PDCD6: variants seen among roughly 807,000 people sequenced by gnomAD.
PDCD6 encodes the protein programmed cell death 6.
In PDCD6, 12 loss-of-function variants were observed where a neutral mutation model predicts 28.3. The observed-to-expected ratio is 0.42, with a 90% CI of 0.27 to 0.69. The LOEUF is 0.69. Among genes scored for constraint, PDCD6 ranks in the 30% least tolerant of loss-of-function variants. The pLI, the probability that PDCD6 is intolerant of heterozygous loss-of-function variation, is 0.22. For synonymous variants in PDCD6, 92 were observed against 108.0 expected (o/e 0.85, Z 0.92); for missense variants, 226 against 269.9 (o/e 0.84, Z 1.14).
intron 2 of PDCD6, among the ~76,000 whole-genome samples, chr5:294,761 C>A (rs1282460802): frequency 6.6e-6 from 1 of 152,240 alleles, no homozygotes; most frequent in Non-Finnish European, 1.5e-5. Flanking sequence ...GGCCTCATTC[C>A]TCATTGCCAA....
intron 2 of PDCD6, among the ~76,000 whole-genome samples, chr5:300,855 G>A (rs940160239): frequency 3.3e-5 from 5 of 151,998 alleles, no homozygotes; most frequent in African/African-American, 1.2e-4. Flanking sequence ...TGCTCTCCTG[G>A]GCAATCCTTA....
intron 2 of PDCD6, among the ~76,000 whole-genome samples, chr5:302,874 G>A (rs1349120084): frequency 6.6e-6 from 1 of 150,552 alleles, no homozygotes; most frequent in Non-Finnish European, 1.5e-5. Context: ...GCGGATCATT[G>A]AGTGCTGCTC....
chr5:298,278 A>C (rs1393971609), intron 2 of PDCD6, among the ~76,000 whole-genome samples: 3 of 151,994 alleles, frequency 2.0e-5, no homozygotes, highest in Non-Finnish European at 4.4e-5. Context: ...ATTTCACTTA[A>C]ACACATTTTC....
chr5:302,814 G>A (rs1206084287), intron 2 of PDCD6, among the ~76,000 whole-genome samples: 1 of 150,722 alleles, frequency 6.6e-6, no homozygotes, highest in African/African-American at 2.4e-5. Context: ...AGGTTCAGGT[G>A]CACCTGCCTT....
intron 5 of PDCD6, among the ~76,000 whole-genome samples, chr5:313,366 T>A (rs1054894718): frequency 6.6e-6 from 1 of 152,368 alleles, no homozygotes; most frequent in African/African-American, 2.4e-5. Context: ...CATTACTCTT[T>A]AAGCCAGCAT....
chr5:301,328 G>A (rs7701452), intron 2 of PDCD6, among the ~76,000 whole-genome samples: 36,028 of 152,172 alleles, frequency 0.24, 6,794 homozygotes, highest in African/African-American at 0.53. Flanking sequence ...CGCACACAGC[G>A]GTGAAGAACG....
intron 2 of PDCD6, among the ~76,000 whole-genome samples, chr5:279,179 T>A (rs1432406852): frequency 6.9e-6 from 1 of 144,854 alleles, no homozygotes; most frequent in Non-Finnish European, 1.5e-5. Flanking sequence ...GTGATTTAAT[T>A]TTGGGCCTCA....
rs1300918619 is a variant in PDCD6, at chr5:290,504, G to T, written c.164-13673G>T. ...TGTGAGAGAGTGAGACCAACAGAGC[G>T]AGCATCTCCCCAAGCCACTACCACC... On this transcript the variant is annotated intron_variant, in intron 2 of 5. Coordinates refer to ENST00000264933, the MANE Select transcript of PDCD6 (RefSeq NM_013232.4). Among the ~76,000 whole-genome samples, 7 of 152,242 alleles carry T rather than the reference G, an allele frequency of 4.6e-5. No individual in the cohort carries two copies. In the East Asian group the frequency reaches 9.6e-4, roughly 21 times the overall value.
intron 2 of PDCD6, among the ~76,000 whole-genome samples, chr5:274,518 C>G (rs1738058019): frequency 6.6e-6 from 1 of 152,204 alleles, no homozygotes; most frequent in African/African-American, 2.4e-5. Flanking sequence ...TTCCGTGATT[C>G]CTGGCACGGA....
At chr5:300,345 G>C (rs1266445328) in intron 2 of PDCD6, among the ~76,000 whole-genome samples, 2 of 152,368 alleles carry the variant, frequency 1.3e-5, no homozygotes, top group East Asian at 3.9e-4. Context: ...CTTCTTGCTG[G>C]AGGAATCCGG....
Position 311,415 on chromosome 5 carries a change from C to T in PDCD6, c.477+13C>T, listed in dbSNP as rs1373439241. 6 of 1,586,266 alleles carry T rather than the reference C, an allele frequency of 3.8e-6. No individual in the cohort carries two copies. The South Asian group carries it at 5.5e-5, about 15-fold the overall frequency. On this transcript the variant is annotated intron_variant, in intron 5 of 5. Coordinates refer to ENST00000264933, the MANE Select transcript of PDCD6 (RefSeq NM_013232.4). Reference sequence around the variant, plus strand: ...CATCGTCCTGCAGGTGACGGAATGGCTTCACGTGGGTTTGTGGTGGTGGTG... The same window carrying T: ...CATCGTCCTGCAGGTGACGGAATGGTTTCACGTGGGTTTGTGGTGGTGGTG...
At chr5:288,261 T>A (rs928142287) in intron 2 of PDCD6, among the ~76,000 whole-genome samples, 2 of 147,824 alleles carry the variant, frequency 1.4e-5, no homozygotes, top group African/African-American at 4.9e-5. Flanking sequence ...CAGAAAAATA[T>A]AACATTTCCC....
rs1740576840 is a variant in PDCD6, at chr5:307,273, CG to C, written c.367+514del. Among the ~76,000 whole-genome samples the C allele has an allele frequency of 1.1e-5, 1 of 94,588 alleles. No homozygotes were observed. The highest frequency in any genetic ancestry group is 1.9e-5 in the Non-Finnish European group (1 of 52,198). 62.1% of individuals were successfully genotyped at this position (94,588 alleles called of 152,430 possible). ...TGTGTGCTCGGCGTGTGTGTGCACA[CG>C]TGTGCCGTGCGCCTCAGAAGGGGCG... On this transcript the variant is annotated intron_variant, in intron 4 of 5. Transcript: ENST00000264933. The surrounding 1 kb of genome is among the most constrained non-coding windows in gnomAD (Gnocchi z 6.1).
intron 2 of PDCD6, among the ~76,000 whole-genome samples, chr5:273,711 G>A (rs55776650): frequency 0.24 from 36,639 of 152,088 alleles, 6,886 homozygotes; most frequent in African/African-American, 0.53. Context: ...GCTGGATTCA[G>A]CCTTACTGCC....
intron 2 of PDCD6, among the ~76,000 whole-genome samples, chr5:281,439 A>T (rs1367265216): frequency 6.6e-6 from 1 of 152,128 alleles, no homozygotes; most frequent in Non-Finnish European, 1.5e-5. Flanking sequence ...GCTGCCACTG[A>T]TGTCTTAGGT....
At position 314,909 on chromosome 5, in the gene PDCD6, TA is replaced by T; in HGVS notation, c.*399del. On this transcript the variant is annotated 3_prime_UTR_variant, in exon 6 of 6. Coordinates refer to ENST00000264933, the MANE Select transcript of PDCD6 (RefSeq NM_013232.4). ...AGGCTTTTCATGTGCCTTACTTTTT[TA>T]AAAAGGAGTTTATTGTATTCATTGG... is the stretch of plus-strand genomic sequence containing the variant. The T allele has an allele frequency of 3.0e-6, 1 of 337,702 alleles. No homozygotes were observed. Among genetic ancestry groups the T allele is most frequent in the Non-Finnish European group, 5.8e-6 (1 of 172,722 alleles). The allele number at this position is 337,702 out of a possible 1,614,324, so 20.9% of individuals were successfully genotyped here.
At chr5:284,106 G>A (rs1325928994) in intron 2 of PDCD6, among the ~76,000 whole-genome samples, 1 of 152,072 alleles carries the variant, frequency 6.6e-6, no homozygotes, top group East Asian at 1.9e-4. Context: ...GGGTCTTGGA[G>A]CTGGAGACCT....
chr5:299,649 A>C (rs1400472940), intron 2 of PDCD6, among the ~76,000 whole-genome samples: 3 of 151,392 alleles, frequency 2.0e-5, no homozygotes, highest in Non-Finnish European at 4.4e-5. Flanking sequence ...TCCCGGGTTC[A>C]CGCCATTCTC....
intron 2 of PDCD6, among the ~76,000 whole-genome samples, chr5:292,831 A>G (rs1304840002): frequency 6.6e-6 from 1 of 152,166 alleles, no homozygotes; most frequent in African/African-American, 2.4e-5. Context: ...GATCTCCCTT[A>G]TGCATTTCTG....
Sources: gnomAD v4.1 joint callset for allele counts (sites outside exome capture counted in the v4.1 genomes callset) on GRCh38, gnomAD v4.1.1 for gene constraint, Gnocchi (gnomAD v3.1) non-coding constraint, MANE v1.5 for transcripts, NCBI Gene and HGNC (gene_info 2026-07-23, HGNC 2026-07-21) for gene names.